The following COG7 variants were observed in gnomAD, a reference collection of about 807,000 sequenced individuals.
COG7 encodes the protein conserved oligomeric Golgi complex subunit 7.
COG7 carries 49 observed loss-of-function variants against 91.5 expected under a neutral mutation model. That is an observed-to-expected ratio of 0.54 (90% CI 0.43 to 0.68). The LOEUF (loss-of-function observed/expected upper bound fraction) is 0.68, where lower values mean the gene tolerates loss of function less well. COG7 is among the 30% of genes least tolerant of loss of function. COG7 has a pLI of 0.00. For synonymous variants in COG7, 365 were observed against 388.7 expected, an observed-to-expected ratio of 0.94 and a Z score of 0.72; for missense variants, 895 against 961.3, an observed-to-expected ratio of 0.93 and a Z score of 0.91.
intron 11 of COG7, among the ~76,000 whole-genome samples, chr16:23,409,381 TG>T: frequency 6.6e-6 from 1 of 152,322 alleles, no homozygotes; most frequent in South Asian, 2.1e-4. Context: ...TCTCTCATCC[TG>T]GGCAGCTTGG....
intron 10 of COG7, 57 bp from the exon 11 acceptor site, chr16:23,410,417 GACAA>G (rs776883250): frequency 2.2e-6 from 3 of 1,370,114 alleles, no homozygotes; most frequent in Non-Finnish European, 3.1e-6. Flanking sequence ...GCCTTTACAG[GACAA>G]ACATTGTCTT....
chr16:23,406,047 G>C, intron 12 of COG7, 29 bp downstream of exon 12: 1 of 1,602,294 alleles, frequency 6.2e-7, no homozygotes. Flanking sequence ...CCTTTCATTT[G>C]CAAGAATGCC....
chr16:23,450,608 G>C (rs113352195), intron 1 of COG7, among the ~76,000 whole-genome samples: 7 of 151,312 alleles, frequency 4.6e-5, no homozygotes, highest in Non-Finnish European at 7.4e-5. Context: ...CTGGAGGATC[G>C]CCTGAGCTCA....
chr16:23,392,366 T>C lies in COG7; in HGVS notation c.2146+14A>G. The stretch of plus-strand genomic sequence containing the variant: ...AGAGCTGTCCCTCCCACCGCCTGTC[T>C]TGTGGGGACCCACCGATGTCAGTGG... On this transcript the variant is annotated intron_variant, in intron 16 of 16. Transcript: ENST00000307149. The C allele has an allele frequency of 6.2e-7, 1 of 1,614,150 alleles. No homozygotes were observed. The highest frequency in any genetic ancestry group is 8.5e-7 in the Non-Finnish European group (1 of 1,180,030).
chr16:23,408,901 G>GCAGC (rs1172185623), intron 11 of COG7, among the ~76,000 whole-genome samples: 1 of 151,696 alleles, frequency 6.6e-6, no homozygotes, highest in Non-Finnish European at 1.5e-5. Context: ...GCTGCATTTT[G>GCAGC]CAGCCCAGAG....
intron 13 of COG7, among the ~76,000 whole-genome samples, chr16:23,398,873 T>A (rs1189397347): frequency 6.6e-6 from 1 of 152,078 alleles, no homozygotes; most frequent in East Asian, 1.9e-4. Context: ...ACATCTTCCG[T>A]GTTGTTGTGG....
intron 8 of COG7, among the ~76,000 whole-genome samples, chr16:23,417,815 G>GCTTC (rs1555494352): frequency 6.6e-6 from 1 of 152,086 alleles, no homozygotes; most frequent in Non-Finnish European, 1.5e-5. Flanking sequence ...AAAGGAAAAT[G>GCTTC]CTTCCTTCCT....
At chr16:23,441,076 AT>A (rs1364499333) in intron 4 of COG7, among the ~76,000 whole-genome samples, 1 of 152,130 alleles carries the variant, frequency 6.6e-6, no homozygotes, top group East Asian at 1.9e-4. Context: ...GAAAAAAAAA[AT>A]TTTTAAGGAA....
intron 10 of COG7, among the ~76,000 whole-genome samples, chr16:23,410,699 A>ATTATTTAT (rs896840716): frequency 1.3e-5 from 2 of 151,952 alleles, no homozygotes; most frequent in African/African-American, 2.4e-5. Flanking sequence ...TCTAAAATTT[A>ATTATTTAT]TTATTTATTT....
At chr16:23,427,029 G>C (rs1189378322) in intron 6 of COG7, among the ~76,000 whole-genome samples, 1 of 152,004 alleles carries the variant, frequency 6.6e-6, no homozygotes, top group Non-Finnish European at 1.5e-5. Flanking sequence ...TGGGAGGATC[G>C]CTTGAGCCTA....
At chr16:23,392,234 C>G (rs765122780) in intron 16 of COG7, 146 bp downstream of exon 16, 1 of 1,521,522 alleles carries the variant, frequency 6.6e-7, no homozygotes, top group African/African-American at 1.4e-5. Flanking sequence ...GCCTGGAGAA[C>G]CTGAATTTTC....
intron 13 of COG7, among the ~76,000 whole-genome samples, chr16:23,402,214 A>G (rs1308829382): frequency 8.5e-5 from 13 of 152,172 alleles, no homozygotes; most frequent in Admixed American, 8.5e-4. Context: ...TTCTTCCTAT[A>G]GATCTATCCA....
chr16:23,431,823 A>G (rs1024126833), intron 6 of COG7, among the ~76,000 whole-genome samples: 10 of 150,502 alleles, frequency 6.6e-5, no homozygotes, highest in Non-Finnish European at 1.2e-4. Context: ...AAAAAAAAAA[A>G]AAAAAAGAAA....
intron 13 of COG7, among the ~76,000 whole-genome samples, chr16:23,400,823 A>G (rs1963362457): frequency 6.6e-6 from 1 of 152,074 alleles, no homozygotes; most frequent in Admixed American, 6.5e-5. Context: ...TACAAAAATT[A>G]GCCGGGTGTG....
intron 1 of COG7, among the ~76,000 whole-genome samples, chr16:23,451,994 G>A (rs1169051053): frequency 6.6e-6 from 1 of 151,936 alleles, no homozygotes; most frequent in Admixed American, 6.6e-5. Flanking sequence ...CGTGCTCCTA[G>A]ATTACAAAAA....
chr16:23,410,284 C>T lies in COG7; in HGVS notation c.1475+11G>A, dbSNP rs777930529. On this transcript the variant is annotated intron_variant, in intron 11 of 16. Transcript: ENST00000307149. Reference sequence around the variant, plus strand: ...CCCAGGGTGTAGAGGACAATGACTCCTCTCTCCTACCTGTTGGCTAGCTGC... The same window carrying T: ...CCCAGGGTGTAGAGGACAATGACTCTTCTCTCCTACCTGTTGGCTAGCTGC... 1.9e-6 allele frequency: 3 copies of T among 1,613,012 alleles called. No homozygotes were observed. The highest frequency in any genetic ancestry group is 2.7e-5 in the African/African-American group (2 of 74,906).
chr16:23,418,518 A>G (rs1265952781), intron 8 of COG7, among the ~76,000 whole-genome samples, 182 bp downstream of exon 8: 2 of 152,182 alleles, frequency 1.3e-5, no homozygotes, highest in African/African-American at 4.8e-5. Flanking sequence ...CAATCCATCA[A>G]TCAATAGAAA....
intron 15 of COG7, 73 bp downstream of exon 15, chr16:23,393,160 G>T: frequency 9.6e-7 from 1 of 1,037,894 alleles, no homozygotes; most frequent in Non-Finnish European, 1.5e-6. Flanking sequence ...CAAGGATAAG[G>T]TGTCATCTGG....
At chr16:23,394,494 C>T (rs1210105848) in intron 14 of COG7, among the ~76,000 whole-genome samples, 1 of 151,602 alleles carries the variant, frequency 6.6e-6, no homozygotes, top group Non-Finnish European at 1.5e-5. Context: ...TTTAAAAGGT[C>T]TTTCTGCCTG....
Sources: gnomAD v4.1 joint callset for allele counts (sites outside exome capture counted in the v4.1 genomes callset) on GRCh38, gnomAD v4.1.1 for gene constraint, MANE v1.5 for transcripts, NCBI Gene and HGNC (gene_info 2026-07-23, HGNC 2026-07-21) for gene names.